Variants in UNC13B observed in about 807,000 individuals in gnomAD.
UNC13B encodes unc-13 homolog B, also known as protein unc-13 homolog B.
Under a neutral mutation model 211.0 loss-of-function variants are expected in UNC13B, and 144 were observed. That is an observed-to-expected ratio of 0.68 (90% CI 0.60 to 0.78). The LOEUF is 0.78. Among genes scored for constraint, UNC13B ranks in the 30% least tolerant of loss-of-function variants. The probability of loss-of-function intolerance (pLI) is 0.00; values close to 1 mark genes in which losing one functional copy is unlikely to be tolerated. For missense variants in UNC13B, 1,777 were observed against 2,002.0 expected, an observed-to-expected ratio of 0.89 and a Z score of 2.14; for synonymous variants, 709 against 725.8, an observed-to-expected ratio of 0.98 and a Z score of 0.37.
At position 35,177,212 on chromosome 9, in the gene UNC13B, C is replaced by G. The variant is rs528930860; in HGVS notation, c.22+14907C>G. 3.3e-5 allele frequency among the ~76,000 whole-genome samples: 5 copies of G among 152,266 alleles called. No homozygotes were observed. The East Asian group carries it at 9.6e-4, about 29-fold the overall frequency. On this transcript the variant is annotated intron_variant, in intron 1 of 39. Coordinates refer to ENST00000635942, the MANE Select transcript of UNC13B (RefSeq NM_001371189.2). The stretch of plus-strand genomic sequence containing the variant: ...TGCTGAGACAGGAGAATCTCTTCAA[C>G]CCAGGGGCGGAGATTTCAGTGAGCC...
At chr9:35,166,158 G>C (rs1821028577) in intron 1 of UNC13B, among the ~76,000 whole-genome samples, 1 of 152,112 alleles carries the variant, frequency 6.6e-6, no homozygotes, top group Non-Finnish European at 1.5e-5. Flanking sequence ...GAGACAGGTG[G>C]ATCACTTGAG....
At chr9:35,377,029 T>G (rs964908830) in intron 15 of UNC13B, among the ~76,000 whole-genome samples, 4 of 152,168 alleles carry the variant, frequency 2.6e-5, no homozygotes, top group African/African-American at 9.7e-5. Context: ...ACTGAAAGCT[T>G]TAAAGATTGT....
chr9:35,175,960 A>G (rs1172672319), intron 1 of UNC13B, among the ~76,000 whole-genome samples: 2 of 149,482 alleles, frequency 1.3e-5, no homozygotes, highest in East Asian at 2.0e-4. Flanking sequence ...CAGAAAGCAG[A>G]GGTTGCGGTG....
Position 35,396,791 on chromosome 9 carries a change from C to T in UNC13B, c.11436-50C>T, listed in dbSNP as rs770267619. 17 of 1,609,622 alleles carry T rather than the reference C, an allele frequency of 1.1e-5. 1 individual carries two copies. In the East Asian group the frequency reaches 1.1e-4, roughly 11 times the overall value. On this transcript the variant is annotated intron_variant, in intron 27 of 39. Transcript: ENST00000635942. ...GTCTGGTGGAGCTGTCAGGAAGTGG[C>T]GTATTCCCACCGCTAGTTCTAAGCC...
Position 35,397,657 on chromosome 9 carries a change from A to G in UNC13B, c.11699A>G (p.Gln3900Arg), listed in dbSNP as rs138607361. 33 of 1,613,828 alleles carry G rather than the reference A, an allele frequency of 2.0e-5. No homozygotes were observed. Among genetic ancestry groups the G allele is most frequent in the African/African-American group, 1.1e-4 (8 of 74,934 alleles). The change falls in exon 30 of 40, where the codon CAG (glutamine) becomes CGG (arginine). Residue 3900 changes from glutamine to arginine, a missense_variant. Gln to Arg is a conservative substitution (Grantham distance 43, BLOSUM62 1). Coordinates refer to ENST00000635942, the MANE Select transcript of UNC13B (RefSeq NM_001371189.2). ...FAKTIGKVLM[Q>R]YADILSKDFP... ...CAGACCATCGGGAAGGTGCTGATGC[A>G]GTATGCAGACATCTTGTCAAAGGAC... is the stretch of plus-strand genomic sequence containing the variant.
At chr9:35,336,155 C>T (rs898826711) in intron 11 of UNC13B, among the ~76,000 whole-genome samples, 1 of 152,204 alleles carries the variant, frequency 6.6e-6, no homozygotes, top group Non-Finnish European at 1.5e-5. Flanking sequence ...ACTATCTCTA[C>T]CTCAGTCCTC....
intron 7 of UNC13B, among the ~76,000 whole-genome samples, chr9:35,292,540 A>G (rs1408556237): frequency 6.6e-6 from 1 of 152,262 alleles, no homozygotes; most frequent in East Asian, 1.9e-4. Context: ...CTCCTCCTTA[A>G]AGCTTCCTTA....
chr9:35,403,166 G>T lies in UNC13B; in HGVS notation c.12485-1G>T. 6.2e-7 allele frequency: 1 copy of T among 1,613,936 alleles called. No homozygotes were observed. Among genetic ancestry groups the T allele is most frequent in the African/African-American group, 1.3e-5 (1 of 75,040 alleles). On this transcript the variant is annotated splice_acceptor_variant, in intron 37 of 39. Coordinates refer to ENST00000635942, the MANE Select transcript of UNC13B (RefSeq NM_001371189.2). LOFTEE classifies it high-confidence loss of function. ...GAATCATCTCTCCATTTGTCCCTCA[G>T]GGTCTGGTGTGGACGATCCTGTGGG...
chr9:35,399,369 T>C (rs1327169569), intron 34 of UNC13B, 23 bp from the exon 35 acceptor site: 1 of 1,614,152 alleles, frequency 6.2e-7, no homozygotes, highest in Admixed American at 1.7e-5. Flanking sequence ...CCTCTGCTTT[T>C]GACTGATTCC....
At chr9:35,378,581 C>A in intron 17 of UNC13B, 145 bp downstream of exon 17, 3 of 1,105,540 alleles carry the variant, frequency 2.7e-6, no homozygotes, top group Non-Finnish European at 3.9e-6. Context: ...CAGACATCAG[C>A]CATTCTTTCT....
intron 22 of UNC13B, chr9:35,384,795 T>C (rs1324232995): frequency 2.2e-6 from 2 of 917,864 alleles, no homozygotes; most frequent in African/African-American, 3.6e-5. Flanking sequence ...AGGGAGGAAA[T>C]AGGTATAGTA....
intron 7 of UNC13B, among the ~76,000 whole-genome samples, chr9:35,271,953 T>C (rs1827905644): frequency 6.6e-6 from 1 of 152,178 alleles, no homozygotes; most frequent in South Asian, 2.1e-4. Flanking sequence ...GGAAAATAAC[T>C]AGAGGTTCAA....
intron 1 of UNC13B, among the ~76,000 whole-genome samples, chr9:35,184,807 G>A (rs1016383103): frequency 1.0e-3 from 7 of 6,832 alleles, no homozygotes; most frequent in African/African-American, 2.1e-3. Context: ...GAAGCGGGGG[G>A]GGGGGGGGAG....
At chr9:35,390,415 C>A (rs1835459743) in intron 25 of UNC13B, among the ~76,000 whole-genome samples, 1 of 152,248 alleles carries the variant, frequency 6.6e-6, no homozygotes, top group Non-Finnish European at 1.5e-5. Flanking sequence ...GCCCCCAGGC[C>A]CATCTTGCCT....
rs571723072 is a variant in UNC13B at position 35,325,353 on chromosome 9, T to A, written c.9414+11364T>A. Among the ~76,000 whole-genome samples, 388 of 152,020 alleles carry A rather than the reference T, an allele frequency of 2.6e-3. 6 individuals carry two copies. In the South Asian group the frequency reaches 0.032, roughly 13 times the overall value. On this transcript the variant is annotated intron_variant, in intron 11 of 39. Coordinates refer to ENST00000635942, the MANE Select transcript of UNC13B (RefSeq NM_001371189.2). The stretch of plus-strand genomic sequence containing the variant: ...TCTCACTTTTGGTTGAGAAAAAAAA[T>A]TTTTTTTATTTCCAAATTTTATCTT...
At chr9:35,185,155 T>C (rs1564054416) in intron 1 of UNC13B, among the ~76,000 whole-genome samples, 1 of 152,202 alleles carries the variant, frequency 6.6e-6, no homozygotes, top group Non-Finnish European at 1.5e-5. Flanking sequence ...TCCTCTTGGA[T>C]TTTAACAAAA....
intron 11 of UNC13B, among the ~76,000 whole-genome samples, chr9:35,316,507 G>A (rs908519299): frequency 1.3e-5 from 2 of 151,726 alleles, no homozygotes; most frequent in African/African-American, 4.8e-5. Flanking sequence ...GTATATAGAT[G>A]TGCGTGTGTG....
chr9:35,259,318 C>T (rs1827120243), intron 7 of UNC13B, among the ~76,000 whole-genome samples: 1 of 151,980 alleles, frequency 6.6e-6, no homozygotes, highest in South Asian at 2.1e-4. Flanking sequence ...GATTTAACCC[C>T]CTCTATCCCT....
Position 35,162,228 on chromosome 9 carries a change from A to G in UNC13B, c.-56A>G. On this transcript the variant is annotated 5_prime_UTR_variant, in exon 1 of 40. Coordinates refer to ENST00000635942, the MANE Select transcript of UNC13B (RefSeq NM_001371189.2). ...CAGTCGCGGCACCTGCTGAGAGGAA[A>G]GAGGGAGCGGTCCGGCGCGGCTGGG... 1 of 1,541,946 alleles carries G rather than the reference A, an allele frequency of 6.5e-7. No homozygotes were observed. Among genetic ancestry groups the G allele is most frequent in the East Asian group, 2.4e-5 (1 of 40,848 alleles).
Sources: gnomAD v4.1 joint callset for allele counts (sites outside exome capture counted in the v4.1 genomes callset) on GRCh38, gnomAD v4.1.1 for gene constraint, MANE v1.5 for transcripts, NCBI Gene and HGNC (gene_info 2026-07-23, HGNC 2026-07-21) for gene names.